CCT2: variants seen among roughly 807,000 people sequenced by gnomAD.
CCT2 encodes the protein chaperonin containing TCP1 subunit 2, also known as T-complex protein 1 subunit beta.
In CCT2, 18 loss-of-function variants were observed where a neutral mutation model predicts 61.8. That is an observed-to-expected ratio of 0.29 (90% CI 0.20 to 0.43). The LOEUF is 0.43. CCT2 is among the 20% of genes least tolerant of loss of function. The pLI, the probability that CCT2 is intolerant of heterozygous loss-of-function variation, is 1.00. For synonymous variants in CCT2, 248 were observed against 215.9 expected, an observed-to-expected ratio of 1.15 and a Z score of -1.30; for missense variants, 556 against 656.9, an observed-to-expected ratio of 0.85 and a Z score of 1.68.
intron 10 of CCT2, among the ~76,000 whole-genome samples, chr12:69,594,090 G>T (rs114775563): frequency 0.015 from 2,273 of 151,688 alleles, 66 homozygotes; most frequent in African/African-American, 0.051. Flanking sequence ...AGTCAGCGGA[G>T]ATCGTGCCAC....
chr12:69,585,485 T>G lies in CCT2; in HGVS notation c.-37T>G. ...GTCCGCTGGTCCCGAGCACGAGCTGTGAGGGGATTCACTTGTGTGCGGAAC... is the reference window on the plus strand; with the variant it reads ...GTCCGCTGGTCCCGAGCACGAGCTGGGAGGGGATTCACTTGTGTGCGGAAC... On this transcript the variant is annotated 5_prime_UTR_variant, in exon 1 of 16. Coordinates refer to ENST00000299300, the MANE Select transcript of CCT2 (RefSeq NM_006431.3). 1.9e-6 allele frequency: 3 copies of G among 1,558,984 alleles called. No homozygotes were observed. Among genetic ancestry groups the G allele is most frequent in the Non-Finnish European group, 2.6e-6 (3 of 1,150,574 alleles).
At chr12:69,590,296 C>T (rs971334544) in intron 7 of CCT2, among the ~76,000 whole-genome samples, 5 of 152,144 alleles carry the variant, frequency 3.3e-5, no homozygotes, top group African/African-American at 9.7e-5. Context: ...ATGTGGGCGT[C>T]TTGGAACCAG....
chr12:69,586,218 T>C (rs1253737077), intron 1 of CCT2, 52 bp from the exon 2 acceptor site: 1 of 1,329,974 alleles, frequency 7.5e-7, no homozygotes, highest in Non-Finnish European at 1.1e-6. Context: ...CCTCAGTGTA[T>C]GTGTTAGAGT....
At chr12:69,586,202 A>C in intron 1 of CCT2, 68 bp from the exon 2 acceptor site, 2 of 1,241,904 alleles carry the variant, frequency 1.6e-6, no homozygotes, top group Non-Finnish European at 2.4e-6. Flanking sequence ...AGACTAGTGG[A>C]AGGCACCTCA....
intron 9 of CCT2, 24 bp downstream of exon 9, chr12:69,593,127 G>T: frequency 6.3e-7 from 1 of 1,589,660 alleles, no homozygotes; most frequent in South Asian, 1.1e-5. Context: ...TTTAAGAAAG[G>T]ATTTTTTTCC....
intron 1 of CCT2, chr12:69,585,808 T>C: frequency 6.6e-6 from 9 of 1,357,902 alleles, no homozygotes; most frequent in Non-Finnish European, 7.6e-6. Context: ...AAGAAATTTC[T>C]AGTGTGGGAC....
intron 1 of CCT2, chr12:69,585,788 A>C (rs1881631157): frequency 7.3e-7 from 1 of 1,374,402 alleles, no homozygotes; most frequent in Admixed American, 3.1e-5. Flanking sequence ...TCCGCGCCTC[A>C]CCCGGAGCGA....
At chr12:69,594,703 T>G (rs1038656421) in intron 10 of CCT2, among the ~76,000 whole-genome samples, 2 of 152,024 alleles carry the variant, frequency 1.3e-5, no homozygotes, top group African/African-American at 4.8e-5. Flanking sequence ...AAAAATTAGC[T>G]GGGCGTGGTG....
chr12:69,585,684 GC>G, intron 1 of CCT2, 160 bp downstream of exon 1: 2 of 1,510,758 alleles, frequency 1.3e-6, no homozygotes, highest in South Asian at 2.5e-5. Flanking sequence ...CCTGCGCCAG[GC>G]CAGCCGGTGG....
intron 15 of CCT2, among the ~76,000 whole-genome samples, 166 bp from the exon 16 acceptor site, chr12:69,601,128 TG>T (rs1439397689): frequency 4.6e-5 from 7 of 152,188 alleles, no homozygotes; most frequent in African/African-American, 1.7e-4. Flanking sequence ...ACTGCCACAT[TG>T]GGGATTCAGT....
In CCT2 at chr12:69,586,281, C is replaced by T; in HGVS notation, c.15C>T (p.Ser5=). Residue 5 remains serine, a synonymous_variant, in exon 2 of 16, where the codon TCC becomes TCT. Coordinates refer to ENST00000299300, the MANE Select transcript of CCT2 (RefSeq NM_006431.3). ...GTTTTCCTTTTCAGGCGTCCCTTTC[C>T]CTTGCACCTGTTAACATCTTTAAGG... MASL[S]LAPVNIFKAG... 1 of 1,613,196 alleles carries T rather than the reference C, an allele frequency of 6.2e-7. No homozygotes were observed. Among genetic ancestry groups the T allele is most frequent in the South Asian group, 1.1e-5 (1 of 91,056 alleles).
At position 69,599,334 on chromosome 12, in the gene CCT2, C is replaced by G. The variant is rs551731747; in HGVS notation, c.1436-529C>G. ...CCTCAAGCAATCCTCCTGCCTCAGC[C>G]TCCCAAAGTGCTAGGATTATAGGTG... On this transcript the variant is annotated intron_variant, in intron 14 of 15. Transcript: ENST00000299300. Among the ~76,000 whole-genome samples, 26 of 152,262 alleles carry G rather than the reference C, an allele frequency of 1.7e-4. 1 individual carries two copies. The highest frequency in any genetic ancestry group is 2.4e-4 in the Non-Finnish European group (16 of 68,014).
At chr12:69,595,544 C>G (rs1374676913) in intron 10 of CCT2, among the ~76,000 whole-genome samples, 1 of 151,902 alleles carries the variant, frequency 6.6e-6, no homozygotes. Flanking sequence ...AAAAATTAGC[C>G]AGGCGTGGTG....
chr12:69,592,100 C>T lies in CCT2; in HGVS notation c.691C>T (p.Arg231Ter). The change falls in exon 8 of 16, where the codon CGA (arginine) becomes TGA (stop). Residue 231 changes from arginine to a stop codon, truncating the protein, a stop_gained. Transcript: ENST00000299300. LOFTEE classifies it high-confidence loss of function. Reference protein sequence around the residue: ...DKKIGVNQPKRIENAKILIAN... With the variant: ...DKKIGVNQPK ...AAAAATTGGAGTAAATCAACCAAAA[C>T]GAATTGAAAATGCTAAAATTCTTAT... 6.2e-7 allele frequency: 1 copy of T among 1,600,534 alleles called. No homozygotes were observed.
At chr12:69,585,791 C>A in intron 1 of CCT2, 1 of 1,373,636 alleles carries the variant, frequency 7.3e-7, no homozygotes, top group Non-Finnish European at 9.4e-7. Context: ...GCGCCTCACC[C>A]GGAGCGAAGA....
intron 6 of CCT2, 41 bp from the exon 7 acceptor site, chr12:69,589,439 AAAAGT>A: frequency 6.9e-7 from 1 of 1,441,546 alleles, no homozygotes; most frequent in Non-Finnish European, 9.7e-7. Flanking sequence ...ATAAATTTTG[AAAAGT>A]AAAGTAGGGT....
At chr12:69,590,370 A>G (rs544725915) in intron 7 of CCT2, among the ~76,000 whole-genome samples, 24 of 152,326 alleles carry the variant, frequency 1.6e-4, no homozygotes, top group African/African-American at 5.5e-4. Flanking sequence ...AATTTCTTTA[A>G]CAAATAATTA....
At position 69,597,178 on chromosome 12, in the gene CCT2, T is replaced by TTG. The variant is rs764868203; in HGVS notation, c.1005_1006insTG (p.Asp336TrpfsTer7). ...TAGGTGGTGAAATTGCCTCTACCTT[T>TTG]GATCACCCAGAACTGGTGAAGCTTG... On this transcript the variant is annotated frameshift_variant, in exon 11 of 16. Coordinates refer to ENST00000299300, the MANE Select transcript of CCT2 (RefSeq NM_006431.3). LOFTEE classifies it high-confidence loss of function. 1 of 1,613,898 alleles carries TTG rather than the reference T, an allele frequency of 6.2e-7. No homozygotes were observed. Among genetic ancestry groups the TTG allele is most frequent in the African/African-American group, 1.3e-5 (1 of 75,066 alleles).
intron 15 of CCT2, 28 bp downstream of exon 15, chr12:69,600,032 TTAC>T: frequency 6.3e-7 from 1 of 1,578,074 alleles, no homozygotes; most frequent in South Asian, 1.2e-5. Context: ...TCAGAAAAAA[TTAC>T]TAACAGCAAA....
Sources: allele counts gnomAD v4.1 joint callset (sites outside exome capture counted in the v4.1 genomes callset), GRCh38; gene constraint gnomAD v4.1.1; transcripts MANE v1.5; gene names NCBI Gene and HGNC (gene_info 2026-07-23, HGNC 2026-07-21).